Variants in GRM7 observed in about 807,000 individuals in gnomAD.
GRM7 encodes the protein metabotropic glutamate receptor 7.
Under a neutral mutation model 84.5 loss-of-function variants are expected in GRM7, and 35 were observed. The ratio of observed to expected loss-of-function variants is 0.41; its 90% CI spans 0.32 to 0.55. The LOEUF (loss-of-function observed/expected upper bound fraction) is 0.55. GRM7 is among the 20% of genes least tolerant of loss of function. The probability of loss-of-function intolerance (pLI) is 0.19; values close to 1 mark genes in which losing one functional copy is unlikely to be tolerated. For missense variants in GRM7, 1,003 were observed against 1,194.6 expected, an observed-to-expected ratio of 0.84 and a Z score of 2.36; for synonymous variants, 487 against 455.1, an observed-to-expected ratio of 1.07 and a Z score of -0.89.
At chr3:6,867,875 T>C (rs1055538738) in intron 1 of GRM7, among the ~76,000 whole-genome samples, 3 of 152,180 alleles carry the variant, frequency 2.0e-5, no homozygotes, top group African/African-American at 7.2e-5. Context: ...TCACATTATA[T>C]TTCCATGTTT....
chr3:7,005,525 T>C (rs1327933595), intron 1 of GRM7, among the ~76,000 whole-genome samples: 1 of 152,308 alleles, frequency 6.6e-6, no homozygotes, highest in Admixed American at 6.5e-5. Flanking sequence ...ATATGTTAAT[T>C]TAGGTATTTG....
chr3:6,876,535 T>C (rs1400585546), intron 1 of GRM7, among the ~76,000 whole-genome samples: 1 of 151,828 alleles, frequency 6.6e-6, no homozygotes, highest in Non-Finnish European at 1.5e-5. Context: ...CATGTTAAAA[T>C]ATGATGATGG....
At chr3:7,363,027 C>T (rs11718624) in intron 4 of GRM7, among the ~76,000 whole-genome samples, 62,945 of 151,796 alleles carry the variant, frequency 0.41, 13,177 homozygotes, top group East Asian at 0.57. Flanking sequence ...AAGGCTGAGG[C>T]AGGATGATCT....
chr3:7,218,309 G>A (rs947214761), intron 2 of GRM7, among the ~76,000 whole-genome samples: 1 of 152,064 alleles, frequency 6.6e-6, no homozygotes, highest in Non-Finnish European at 1.5e-5. Context: ...CTGAAAACCT[G>A]TTTGGCAATA....
At chr3:7,196,129 T>C (rs1185073051) in intron 2 of GRM7, among the ~76,000 whole-genome samples, 1 of 152,016 alleles carries the variant, frequency 6.6e-6, no homozygotes, top group Admixed American at 6.6e-5. Context: ...GCTGAGTGGG[T>C]CAGCCAATTA....
At chr3:7,300,872 G>A (rs967439511) in intron 3 of GRM7, among the ~76,000 whole-genome samples, 2 of 152,174 alleles carry the variant, frequency 1.3e-5, no homozygotes, top group African/African-American at 2.4e-5. Flanking sequence ...GGGCAGAAAT[G>A]ATGCTTCTTT....
chr3:7,501,651 A>G (rs1428394380), intron 7 of GRM7, among the ~76,000 whole-genome samples: 1 of 152,184 alleles, frequency 6.6e-6, no homozygotes, highest in African/African-American at 2.4e-5. Context: ...GCTACCTATT[A>G]TGGTACTTAT....
At chr3:7,081,761 T>C (rs1343029162) in intron 1 of GRM7, among the ~76,000 whole-genome samples, 1 of 152,074 alleles carries the variant, frequency 6.6e-6, no homozygotes, top group Non-Finnish European at 1.5e-5. Flanking sequence ...AACACACAAA[T>C]GATAAATAAG....
intron 1 of GRM7, among the ~76,000 whole-genome samples, chr3:7,031,210 C>T (rs2124927380): frequency 6.6e-6 from 1 of 152,106 alleles, no homozygotes; most frequent in Non-Finnish European, 1.5e-5. Context: ...GTTTTATACT[C>T]AGTATGTTTG....
chr3:7,312,436 A>G lies in GRM7; in HGVS notation c.1033+5784A>G, dbSNP rs140608588. Among the ~76,000 whole-genome samples the G allele has an allele frequency of 7.8e-4, 119 of 152,178 alleles. 2 individuals are homozygous for G. The East Asian group carries it at 0.021, about 27-fold the overall frequency. ...AGAAGTAGGTGGACAACCTTTGGGG[A>G]CATACTGCAAGAGCCATGTGGGAAA... On this transcript the variant is annotated intron_variant, in intron 4 of 9. Coordinates refer to ENST00000357716, the MANE Select transcript of GRM7 (RefSeq NM_000844.4).
chr3:7,673,584 A>G (rs1220943630), intron 8 of GRM7, among the ~76,000 whole-genome samples: 1 of 152,112 alleles, frequency 6.6e-6, no homozygotes. Context: ...TTTAATAGCT[A>G]AGAAACCCAT....
intron 8 of GRM7, among the ~76,000 whole-genome samples, chr3:7,659,917 T>C (rs1409582666): frequency 1.3e-5 from 2 of 152,200 alleles, no homozygotes; most frequent in Non-Finnish European, 2.9e-5. Context: ...CATTTCCTAG[T>C]GGCATATTAT....
At chr3:7,143,580 T>C (rs1041072798) in intron 1 of GRM7, among the ~76,000 whole-genome samples, 4 of 152,152 alleles carry the variant, frequency 2.6e-5, no homozygotes, top group African/African-American at 9.6e-5. Context: ...TGCACAGTAA[T>C]GAGGAAAGAA....
chr3:7,306,077 G>A (rs940335273), intron 3 of GRM7, among the ~76,000 whole-genome samples: 1 of 151,852 alleles, frequency 6.6e-6, no homozygotes, highest in African/African-American at 2.4e-5. Flanking sequence ...TTGCTTTTCA[G>A]AGATAGTGTA....
At chr3:7,389,136 A>G (rs1694895032) in intron 4 of GRM7, among the ~76,000 whole-genome samples, 1 of 152,100 alleles carries the variant, frequency 6.6e-6, no homozygotes, top group Non-Finnish European at 1.5e-5. Context: ...TTGTTTACCC[A>G]TAAGTCATTC....
intron 1 of GRM7, among the ~76,000 whole-genome samples, chr3:6,994,256 C>T (rs1694752372): frequency 6.6e-6 from 1 of 152,102 alleles, no homozygotes; most frequent in African/African-American, 2.4e-5. Context: ...ATTTCAGAGA[C>T]TTTGATGGTG....
intron 5 of GRM7, among the ~76,000 whole-genome samples, chr3:7,441,772 A>G (rs1364240865): frequency 6.6e-6 from 1 of 152,100 alleles, no homozygotes; most frequent in East Asian, 1.9e-4. Flanking sequence ...ACCTTTGTCA[A>G]AGATCAGATG....
Position 6,861,592 on chromosome 3 carries a change from C to A in GRM7, c.204C>A (p.Gly68=), listed in dbSNP as rs985362954. The change falls in exon 1 of 10, where the codon GGC becomes GGA. Residue 68 remains glycine (G), a synonymous_variant. Coordinates refer to ENST00000357716, the MANE Select transcript of GRM7 (RefSeq NM_000844.4). The surrounding 1 kb of genome is among the most constrained non-coding windows in gnomAD (Gnocchi z 6.4). ...HAKGPSGVPC[G]DIKRENGIHR... ...AGGGTCCCAGCGGAGTGCCCTGCGGCGACATCAAGAGGGAAAACGGGATCC... is the reference window on the plus strand; with the variant it reads ...AGGGTCCCAGCGGAGTGCCCTGCGGAGACATCAAGAGGGAAAACGGGATCC... 7 of 1,609,318 alleles carry A rather than the reference C, an allele frequency of 4.3e-6. No individual in the cohort carries two copies. Among genetic ancestry groups the A allele is most frequent in the Non-Finnish European group, 5.9e-6 (7 of 1,177,544 alleles).
intron 1 of GRM7, among the ~76,000 whole-genome samples, chr3:6,943,230 A>ATATTTTTTC (rs899197425): frequency 2.6e-5 from 4 of 151,790 alleles, no homozygotes; most frequent in African/African-American, 9.7e-5. Context: ...TAATTTATAT[A>ATATTTTTTC]TATTTTTTCT....
Sources: gnomAD v4.1 joint callset for allele counts (sites outside exome capture counted in the v4.1 genomes callset) on GRCh38, gnomAD v4.1.1 for gene constraint, Gnocchi (gnomAD v3.1) non-coding constraint, MANE v1.5 for transcripts, NCBI Gene and HGNC (gene_info 2026-07-23, HGNC 2026-07-21) for gene names.